ELMO3: variants seen among roughly 807,000 people sequenced by gnomAD.
ELMO3 encodes the protein engulfment and cell motility 3.
Under a neutral mutation model 89.0 loss-of-function variants are expected in ELMO3, and 81 were observed. The ratio of observed to expected loss-of-function variants is 0.91; its 90% CI spans 0.76 to 1.09. The LOEUF (loss-of-function observed/expected upper bound fraction) is 1.09, where lower values mean the gene tolerates loss of function less well. Ranked by LOEUF, ELMO3 falls within the 50% of genes least tolerant of loss-of-function variation. The pLI, the probability that ELMO3 is intolerant of heterozygous loss-of-function variation, is 0.00. For synonymous variants in ELMO3, 406 were observed against 400.6 expected (o/e 1.01, Z -0.16); for missense variants, 959 against 972.8 (o/e 0.99, Z 0.19).
In ELMO3 at chr16:67,201,970, C is replaced by T. The variant is rs199699011; in HGVS notation, c.1051-7C>T. 1.5e-3 allele frequency: 2,489 copies of T among 1,612,396 alleles called. 5 individuals carry two copies. The highest frequency in any genetic ancestry group is 2.0e-3 in the Non-Finnish European group (2,352 of 1,179,708). Reference sequence around the variant, plus strand: ...CTTCTTGAACTGCCTGTGCCCACTTCCCCCAGAACAGCAACCCAGCACAGG... The same window carrying T: ...CTTCTTGAACTGCCTGTGCCCACTTTCCCCAGAACAGCAACCCAGCACAGG... On this transcript the variant is annotated splice_polypyrimidine_tract_variant and splice_region_variant and intron_variant, in intron 11 of 19. Coordinates refer to ENST00000393997, the MANE Select transcript of ELMO3 (RefSeq NM_024712.5).
chr16:67,200,410 C>G (rs751063874), intron 5 of ELMO3, 41 bp from the exon 6 acceptor site: 54 of 1,607,960 alleles, frequency 3.4e-5, no homozygotes, highest in Non-Finnish European at 4.6e-5. Context: ...TCTTTCTGGT[C>G]CTGGGGTGGT....
At chr16:67,199,925 G>T (rs752954219) in intron 3 of ELMO3, 26 bp from the exon 4 acceptor site, 13 of 1,613,766 alleles carry the variant, frequency 8.1e-6, no homozygotes, top group Non-Finnish European at 1.0e-5. Flanking sequence ...CCCTGACCTC[G>T]CTGCCTTTTC....
chr16:67,200,394 G>A (rs762810962), intron 5 of ELMO3, 33 bp downstream of exon 5: 1 of 1,612,052 alleles, frequency 6.2e-7, no homozygotes, highest in South Asian at 1.1e-5. Flanking sequence ...TGGGGGAGAT[G>A]GTGGGTCTTT....
chr16:67,199,972 G>T lies in ELMO3; in HGVS notation c.214G>T (p.Gly72Cys). ...CCAGAACCGCGCGGAGATCAAGAAT[G>T]GCAGCATCCTGTGCCTCAGCACGGC... ...TENNRAEIKNGSILCLSTAPD... is the reference protein window; with the variant it reads ...TENNRAEIKNCSILCLSTAPD... The change falls in exon 4 of 20, where the codon GGC becomes TGC. Residue 72 changes from glycine to cysteine, a missense_variant. Gly to Cys is a radical substitution (Grantham distance 159). Coordinates refer to ENST00000393997, the MANE Select transcript of ELMO3 (RefSeq NM_024712.5). 6.2e-7 allele frequency: 1 copy of T among 1,613,864 alleles called. No individual in the cohort carries two copies. The highest frequency in any genetic ancestry group is 8.5e-7 in the Non-Finnish European group (1 of 1,180,014).
chr16:67,201,574 G>C lies in ELMO3; in HGVS notation c.850G>C (p.Val284Leu). ...MGDEMAHHLY[V>L]LQALMLGLLE... ...CGACGAGATGGCTCATCACCTGTAC[G>C]TACTGCAGGCTCTCATGCTGGGGCT... is the stretch of plus-strand genomic sequence containing the variant. The change falls in exon 10 of 20, where the codon GTA becomes CTA. Residue 284 changes from valine to leucine, a missense_variant. Transcript: ENST00000393997. The C allele has an allele frequency of 1.2e-6, 2 of 1,613,986 alleles. No homozygotes were observed. Among genetic ancestry groups the C allele is most frequent in the South Asian group, 1.1e-5 (1 of 91,090 alleles).
rs781065231 is a variant in ELMO3, at chr16:67,202,273, T to C, written c.1250T>C (p.Val417Ala). Residue 417 changes from valine to alanine, a missense_variant, in exon 13 of 20, where the codon GTT (valine) becomes GCT (alanine). Transcript: ENST00000393997. ...GTGCTGCTGTGTGAGCTGCTCCGTG[T>C]TGGGGAGCCCTGTGAGTGGCCTGGA... ...LTVLLCELLR[V>A]GEPCSETAQD... is the part of the protein sequence containing the mutation. 1.2e-6 allele frequency: 2 copies of C among 1,609,084 alleles called. No individual in the cohort carries two copies. Among genetic ancestry groups the C allele is most frequent in the Non-Finnish European group, 1.7e-6 (2 of 1,176,758 alleles).
In ELMO3 at chr16:67,199,219, C is replaced by G; in HGVS notation, c.-108C>G. ...CGAGTGCGGGACACCGAGGTCAGGT[C>G]TCGGAAAGGGAGGACCTCCTCGTCC... On this transcript the variant is annotated 5_prime_UTR_variant, in exon 1 of 20. Coordinates refer to ENST00000393997, the MANE Select transcript of ELMO3 (RefSeq NM_024712.5). 6.2e-7 allele frequency: 1 copy of G among 1,611,432 alleles called. No individual in the cohort carries two copies. The highest frequency in any genetic ancestry group is 2.2e-5 in the East Asian group (1 of 44,840).
In ELMO3 at chr16:67,199,142, C is replaced by T. The variant is rs887968279; in HGVS notation, c.-185C>T. ...CCAGACTCCAACCCGGAACTAACCT[C>T]GGCTCCCTTGGGAAGGCCGCGTTGC... is the stretch of plus-strand genomic sequence containing the variant. On this transcript the variant is annotated 5_prime_UTR_variant, in exon 1 of 20. Coordinates refer to ENST00000393997, the MANE Select transcript of ELMO3 (RefSeq NM_024712.5). The T allele has an allele frequency of 2.5e-6, 4 of 1,600,012 alleles. No homozygotes were observed. The highest frequency in any genetic ancestry group is 3.4e-6 in the Non-Finnish European group (4 of 1,175,980).
In ELMO3 at chr16:67,200,355, G is replaced by A; in HGVS notation, c.407G>A (p.Gly136Glu). The A allele has an allele frequency of 6.2e-7, 1 of 1,613,906 alleles. No homozygotes were observed. The highest frequency in any genetic ancestry group is 8.5e-7 in the Non-Finnish European group (1 of 1,180,020). Residue 136 changes from glycine to glutamate, a missense_variant, in exon 5 of 20, where the codon GGG (glycine) becomes GAG (glutamate). Physicochemically the swap from Gly to Glu is moderately conservative, Grantham distance 98. Coordinates refer to ENST00000393997, the MANE Select transcript of ELMO3 (RefSeq NM_024712.5). ...LQILGTIIED[G>E]DDLGEVLALS... ...ATACTAGGCACCATCATTGAAGATG[G>A]GGACGAGTGAGCACAGGGATGTGTG...
intron 2 of ELMO3, 34 bp downstream of exon 2, chr16:67,199,627 G>GGGAGGGCA (rs759205442): frequency 2.5e-6 from 4 of 1,608,234 alleles, no homozygotes; most frequent in South Asian, 2.2e-5. Flanking sequence ...TGCGGAGGGC[G>GGGAGGGCA]GGAGGGCAGG....
chr16:67,203,719 G>A lies in ELMO3; in HGVS notation c.2005G>A (p.Glu669Lys), dbSNP rs199505460. Residue 669 changes from glutamate to lysine, a missense_variant, in exon 20 of 20, where the codon GAG (glutamate) becomes AAG (lysine). Coordinates refer to ENST00000393997, the MANE Select transcript of ELMO3 (RefSeq NM_024712.5). This position sits in a 1 kb window ranked among gnomAD's most constrained non-coding sequence, Gnocchi z 4.6. ...CTTGCTGGGCAGTCCCATGGGCAGC[G>A]AGCAGACACGGCTGGACCTGGAGCA... ...SALLGSPMGSEQTRLDLEQLL... is the reference protein window; with the variant it reads ...SALLGSPMGSKQTRLDLEQLL... The A allele has an allele frequency of 4.0e-4, 639 of 1,613,740 alleles. 1 individual carries two copies. Among genetic ancestry groups the A allele is most frequent in the Admixed American group, 5.2e-4 (31 of 60,010 alleles).
chr16:67,201,589 A>C lies in ELMO3; in HGVS notation c.865A>C (p.Met289Leu). Residue 289 changes from methionine to leucine, a missense_variant, in exon 10 of 20, where the codon ATG becomes CTG. By Grantham distance (15) the Met-to-Leu change is conservative (BLOSUM62 2). Coordinates refer to ENST00000393997, the MANE Select transcript of ELMO3 (RefSeq NM_024712.5). ...AHHLYVLQAL[M>L]LGLLEPRMRT... The stretch of plus-strand genomic sequence containing the variant: ...TCACCTGTACGTACTGCAGGCTCTC[A>C]TGCTGGGGCTGCTGGAGCCGCGCAT... 1.9e-6 allele frequency: 3 copies of C among 1,613,906 alleles called. No homozygotes were observed. The highest frequency in any genetic ancestry group is 1.7e-6 in the Non-Finnish European group (2 of 1,180,022).
intron 8 of ELMO3, 66 bp from the exon 9 acceptor site, chr16:67,201,319 A>G: frequency 6.2e-7 from 1 of 1,602,706 alleles, no homozygotes; most frequent in Non-Finnish European, 8.5e-7. Flanking sequence ...GGCCTCCCAA[A>G]GTGCTGGGAT....
Position 67,203,125 on chromosome 16 carries a change from T to C in ELMO3, c.1682T>C (p.Leu561Pro), listed in dbSNP as rs1169221992. 1.2e-6 allele frequency: 2 copies of C among 1,610,212 alleles called. No homozygotes were observed. The highest frequency in any genetic ancestry group is 1.1e-5 in the South Asian group (1 of 90,554). Reference sequence around the variant, plus strand: ...CTTCCCTTTCTCCACGCAGATAAGCTGTGGTTCTGCTGCCTGTCCCCCAAC... The same window carrying C: ...CTTCCCTTTCTCCACGCAGATAAGCCGTGGTTCTGCTGCCTGTCCCCCAAC... ...KISSRRRQDK[L>P]WFCCLSPNHK... The change falls in exon 17 of 20, where the codon CTG (leucine) becomes CCG (proline). Residue 561 changes from leucine (L) to proline (P), a missense_variant. Transcript: ENST00000393997. This position sits in a 1 kb window ranked among gnomAD's most constrained non-coding sequence, Gnocchi z 4.6.
chr16:67,199,547 T>G lies in ELMO3; in HGVS notation c.79-6T>G. ...CAGGCCGCGAGAATGACCACTCCAC[T>G]TGCAGGCGAAGCCCCTGGCCGCTGT... On this transcript the variant is annotated splice_region_variant and splice_polypyrimidine_tract_variant and intron_variant, in intron 1 of 19. Coordinates refer to ENST00000393997, the MANE Select transcript of ELMO3 (RefSeq NM_024712.5). 3 of 1,459,210 alleles carry G rather than the reference T, an allele frequency of 2.1e-6. No individual in the cohort carries two copies. Among genetic ancestry groups the G allele is most frequent in the Non-Finnish European group, 1.8e-6 (2 of 1,089,118 alleles). The allele number at this position is 1,459,210 out of a possible 1,614,324, so 90.4% of individuals were successfully genotyped here. A position where few individuals can be genotyped will look rare whatever the true frequency, so the allele number is the denominator to read the frequency against.
rs1172689977 is a variant in ELMO3 at position 67,200,558 on chromosome 16, G to A, written c.513+8G>A. The A allele has an allele frequency of 6.2e-7, 1 of 1,613,508 alleles. No homozygotes were observed. Among genetic ancestry groups the A allele is most frequent in the Admixed American group, 1.7e-5 (1 of 60,016 alleles). ...ATCCCCTTTGTGAGGAAGGTGGGTG[G>A]GCTTTCCTAGGGCAGCGGGTGGGGG... On this transcript the variant is annotated splice_region_variant and intron_variant, in intron 6 of 19. Coordinates refer to ENST00000393997, the MANE Select transcript of ELMO3 (RefSeq NM_024712.5).
In ELMO3 at chr16:67,203,436, T is replaced by TTC; in HGVS notation, c.1863+27_1863+28insTC. 6.2e-7 allele frequency: 1 copy of TTC among 1,606,904 alleles called. No homozygotes were observed. The highest frequency in any genetic ancestry group is 8.5e-7 in the Non-Finnish European group (1 of 1,174,328). On this transcript the variant is annotated intron_variant, in intron 18 of 19. Transcript: ENST00000393997. The surrounding 1 kb of genome is among the most constrained non-coding windows in gnomAD (Gnocchi z 4.6). Reference sequence around the variant, plus strand: ...TGAGTACAGCGGGCCAGGGGCTCCTTCCCACCCGCCCCCGCCTACCCTGTC... The same window carrying TTC: ...TGAGTACAGCGGGCCAGGGGCTCCTTTCCCCACCCGCCCCCGCCTACCCTGTC...
Position 67,199,745 on chromosome 16 carries a change from A to C in ELMO3, c.181A>C (p.Ile61Leu). ...LQFADGHRRY[I>L]TENNRAEIKN... ...GTTTGCGGATGGGCACCGGAGATAC[A>C]TCACCGAGAATGTGAGTCCCCTCTC... Residue 61 changes from isoleucine (I) to leucine (L), a missense_variant, in exon 3 of 20, where the codon ATC becomes CTC. Transcript: ENST00000393997. 1.2e-6 allele frequency: 2 copies of C among 1,610,848 alleles called. No individual in the cohort carries two copies. The highest frequency in any genetic ancestry group is 1.7e-6 in the Non-Finnish European group (2 of 1,179,612).
intron 8 of ELMO3, 35 bp downstream of exon 8, chr16:67,201,003 C>T (rs2033091508): frequency 1.3e-6 from 2 of 1,570,730 alleles, no homozygotes; most frequent in Non-Finnish European, 1.7e-6. Flanking sequence ...GGGGGCAGCA[C>T]CCGGTGGGCG....
Sources: allele counts gnomAD v4.1 joint callset, GRCh38; gene constraint gnomAD v4.1.1; non-coding constraint Gnocchi (gnomAD v3.1); transcripts MANE v1.5; gene names NCBI Gene and HGNC (gene_info 2026-07-23, HGNC 2026-07-21).